FAM13A: variants seen among roughly 807,000 people sequenced by gnomAD.
FAM13A encodes family with sequence similarity 13 member A, also known as protein FAM13A.
Under a neutral mutation model 129.6 loss-of-function variants are expected in FAM13A, and 76 were observed. That is an observed-to-expected ratio of 0.59 (90% CI 0.49 to 0.71). The LOEUF (loss-of-function observed/expected upper bound fraction) is 0.71, where lower values mean the gene tolerates loss of function less well. Ranked by LOEUF, FAM13A falls within the 30% of genes least tolerant of loss-of-function variation. FAM13A has a pLI of 0.00. For missense variants in FAM13A, 1,108 were observed against 1,249.3 expected, an observed-to-expected ratio of 0.89 and a Z score of 1.70; for synonymous variants, 443 against 449.9, an observed-to-expected ratio of 0.98 and a Z score of 0.20.
At chr4:88,981,093 T>C (rs1761608682) in intron 4 of FAM13A, among the ~76,000 whole-genome samples, 1 of 152,228 alleles carries the variant, frequency 6.6e-6, no homozygotes, top group Admixed American at 6.5e-5. Flanking sequence ...TTTTATCTTA[T>C]TGGTTAGTAC....
intron 11 of FAM13A, among the ~76,000 whole-genome samples, chr4:88,778,152 G>A (rs1343283017): frequency 1.3e-5 from 2 of 152,092 alleles, no homozygotes; most frequent in Non-Finnish European, 2.9e-5. Flanking sequence ...GTATCTCTAA[G>A]GAGGGCATTC....
chr4:88,942,477 G>A (rs1754937844), intron 4 of FAM13A, among the ~76,000 whole-genome samples: 1 of 151,984 alleles, frequency 6.6e-6, no homozygotes, highest in Non-Finnish European at 1.5e-5. Flanking sequence ...TGAGGGACGA[G>A]GATCACTTGA....
chr4:89,034,132 G>A (rs1224486630), intron 1 of FAM13A, among the ~76,000 whole-genome samples: 2 of 152,088 alleles, frequency 1.3e-5, no homozygotes, highest in Non-Finnish European at 2.9e-5. Flanking sequence ...ACTATCAACA[G>A]AGTAAACAGA....
At chr4:88,834,868 T>C (rs1371038400) in intron 7 of FAM13A, among the ~76,000 whole-genome samples, 1 of 152,152 alleles carries the variant, frequency 6.6e-6, no homozygotes, top group Admixed American at 6.6e-5. Flanking sequence ...TCCTTCCCTG[T>C]CCATTAGTCT....
At chr4:88,806,311 C>A (rs991333738) in intron 7 of FAM13A, among the ~76,000 whole-genome samples, 1 of 152,148 alleles carries the variant, frequency 6.6e-6, no homozygotes, top group Non-Finnish European at 1.5e-5. Context: ...GGGGTGTACA[C>A]CACCTTACCG....
chr4:88,914,333 C>T (rs767476550), intron 5 of FAM13A, among the ~76,000 whole-genome samples: 7 of 152,066 alleles, frequency 4.6e-5, no homozygotes, highest in South Asian at 4.1e-4. Context: ...ATCATTATTC[C>T]AACAATAAAA....
chr4:88,796,718 T>A (rs981356935), intron 8 of FAM13A, among the ~76,000 whole-genome samples: 3 of 152,032 alleles, frequency 2.0e-5, no homozygotes, highest in Admixed American at 2.0e-4. Context: ...CTAGGTTTTT[T>A]TTTTTTAGTA....
chr4:88,769,148 C>T (rs1020229302), intron 11 of FAM13A, among the ~76,000 whole-genome samples: 1 of 152,164 alleles, frequency 6.6e-6, no homozygotes, highest in African/African-American at 2.4e-5. Context: ...TATAATAAAA[C>T]CCTTTACTAA....
At position 88,727,944 on chromosome 4, in the gene FAM13A, T is replaced by C. The variant is rs1434176139; in HGVS notation, c.*589A>G. On this transcript the variant is annotated 3_prime_UTR_variant, in exon 24 of 24. Transcript: ENST00000264344. ...CCATCGTGGGCAGATGCAGCTTCCA[T>C]CTACCTGAGGGCTGAAGGGGAAAAC... The C allele has an allele frequency of 2.0e-5, 3 of 152,764 alleles. No individual in the cohort carries two copies. Among genetic ancestry groups the C allele is most frequent in the African/African-American group, 7.2e-5 (3 of 41,458 alleles). 9.5% of individuals were successfully genotyped at this position (152,764 alleles called of 1,614,324 possible).
intron 5 of FAM13A, among the ~76,000 whole-genome samples, chr4:88,913,469 GGAGGAGGAAGAGGAAGAAGAA>G (rs1389386892): frequency 3.6e-5 from 5 of 140,520 alleles, no homozygotes; most frequent in African/African-American, 1.1e-4. Flanking sequence ...AAGAAGAGGA[GGAGGAGGAAGAGGAAGAAGAA>G]GAGGAGGAAG....
At chr4:88,796,802 C>T (rs913891642) in intron 8 of FAM13A, among the ~76,000 whole-genome samples, 2 of 151,206 alleles carry the variant, frequency 1.3e-5, no homozygotes, top group African/African-American at 4.9e-5. Context: ...ATTGTTTTTG[C>T]TTTGTACTTT....
chr4:88,790,557 A>C, intron 9 of FAM13A, 29 bp downstream of exon 9: 1 of 1,590,348 alleles, frequency 6.3e-7, no homozygotes, highest in South Asian at 1.2e-5. Context: ...AAAAACCCAA[A>C]GCCCAAAAAC....
chr4:89,022,889 A>G (rs537532102), intron 2 of FAM13A, among the ~76,000 whole-genome samples: 1 of 152,260 alleles, frequency 6.6e-6, no homozygotes, highest in Non-Finnish European at 1.5e-5. Context: ...CAAGTAACAG[A>G]ATCCTGCCAA....
At chr4:88,928,684 T>C (rs1164259726) in intron 5 of FAM13A, among the ~76,000 whole-genome samples, 1 of 136,730 alleles carries the variant, frequency 7.3e-6, no homozygotes, top group Non-Finnish European at 1.6e-5. Flanking sequence ...TCAGCCTATG[T>C]GTCTTTTTAC....
At position 88,850,870 on chromosome 4, in the gene FAM13A, C is replaced by G. The variant is rs80110007; in HGVS notation, c.1007+150G>C. 4.4e-3 allele frequency: 2,824 copies of G among 645,236 alleles called. 55 individuals are homozygous for G. In the African/African-American group the frequency reaches 0.047, roughly 11 times the overall value. 40.0% of individuals were successfully genotyped at this position (645,236 alleles called of 1,614,324 possible). Reference sequence around the variant, plus strand: ...TAAGAACTATTAGTCAGAAAATTCTCAAAACATAGAGTGAATTTTAAGTAT... The same window carrying G: ...TAAGAACTATTAGTCAGAAAATTCTGAAAACATAGAGTGAATTTTAAGTAT... On this transcript the variant is annotated intron_variant, in intron 7 of 23. Transcript: ENST00000264344.
At chr4:88,946,712 T>G (rs1161647559) in intron 4 of FAM13A, among the ~76,000 whole-genome samples, 1 of 151,984 alleles carries the variant, frequency 6.6e-6, no homozygotes, top group East Asian at 1.9e-4. Context: ...TTTTATTTAT[T>G]TGATTTTAGT....
intron 6 of FAM13A, among the ~76,000 whole-genome samples, chr4:88,883,597 C>T (rs1268609178): frequency 2.0e-5 from 3 of 151,868 alleles, no homozygotes; most frequent in Non-Finnish European, 4.4e-5. Flanking sequence ...GGTCACACCT[C>T]AAGGAACTGG....
intron 7 of FAM13A, among the ~76,000 whole-genome samples, chr4:88,842,593 C>T (rs995429689): frequency 6.6e-6 from 1 of 152,204 alleles, no homozygotes; most frequent in African/African-American, 2.4e-5. Context: ...TTATGTCTGG[C>T]CCCTCAGGGC....
At chr4:88,873,261 C>T (rs569317170) in intron 6 of FAM13A, among the ~76,000 whole-genome samples, 1 of 152,180 alleles carries the variant, frequency 6.6e-6, no homozygotes, top group Non-Finnish European at 1.5e-5. Context: ...CATTCAAAAG[C>T]TAGCAGAAGG....
Sources: allele counts gnomAD v4.1 joint callset (sites outside exome capture counted in the v4.1 genomes callset), GRCh38; gene constraint gnomAD v4.1.1; transcripts MANE v1.5; gene names NCBI Gene and HGNC (gene_info 2026-07-23, HGNC 2026-07-21).